ZHX2: variants seen among roughly 807,000 people sequenced by gnomAD.
ZHX2 encodes zinc fingers and homeoboxes 2, also known as zinc fingers and homeoboxes protein 2.
A neutral mutation model predicts 21.9 loss-of-function variants in ZHX2; 6 were observed. The observed-to-expected ratio is 0.27, with a 90% CI of 0.15 to 0.54. ZHX2 has a LOEUF of 0.54. Ranked by LOEUF, ZHX2 falls within the 20% of genes least tolerant of loss-of-function variation. The pLI is 0.95. For missense variants in ZHX2, 908 were observed against 1,090.7 expected (o/e 0.83, Z 2.36); for synonymous variants, 434 against 437.1 (o/e 0.99, Z 0.09).
intron 1 of ZHX2, among the ~76,000 whole-genome samples, chr8:122,786,942 G>GA (rs1232528269): frequency 1.3e-5 from 2 of 152,020 alleles, no homozygotes; most frequent in African/African-American, 2.4e-5. Context: ...ATTTTGAACT[G>GA]AAAAAACTCG....
intron 2 of ZHX2, among the ~76,000 whole-genome samples, chr8:122,913,158 C>T (rs921694525): frequency 2.0e-5 from 3 of 152,140 alleles, no homozygotes; most frequent in East Asian, 1.9e-4. Flanking sequence ...TTTCACTTAG[C>T]GTAGTGGTTT....
intron 2 of ZHX2, among the ~76,000 whole-genome samples, chr8:122,914,697 CTCAT>C (rs1452274338): frequency 6.6e-6 from 1 of 152,226 alleles, no homozygotes. Context: ...ATCTCATGCG[CTCAT>C]TCAGACACTT....
At chr8:122,811,124 A>T (rs73331763) in intron 1 of ZHX2, among the ~76,000 whole-genome samples, 7,163 of 152,224 alleles carry the variant, frequency 0.047, 491 homozygotes, top group African/African-American at 0.16. Flanking sequence ...TTATACCTGT[A>T]ATCCCGGCAC....
chr8:122,944,806 A>G (rs73335719), intron 2 of ZHX2, among the ~76,000 whole-genome samples: 1,958 of 152,280 alleles, frequency 0.013, 42 homozygotes, highest in African/African-American at 0.045. Flanking sequence ...GCTCCCCTAA[A>G]ATCCATATGT....
chr8:122,918,308 C>G (rs1031866885), intron 2 of ZHX2, among the ~76,000 whole-genome samples: 18 of 152,312 alleles, frequency 1.2e-4, no homozygotes, highest in Admixed American at 9.8e-4. Context: ...TGCAATAGGC[C>G]TTGAGGACGA....
intron 2 of ZHX2, among the ~76,000 whole-genome samples, chr8:122,894,518 C>A (rs1187327290): frequency 1.3e-5 from 2 of 152,098 alleles, no homozygotes. Context: ...AAGCTGGAAA[C>A]CATCATTCTC....
chr8:122,827,210 T>C (rs975252715), intron 1 of ZHX2, among the ~76,000 whole-genome samples: 4 of 151,988 alleles, frequency 2.6e-5, no homozygotes, highest in Non-Finnish European at 5.9e-5. Context: ...TTTGTTTGTT[T>C]TCTCCCCTGT....
In ZHX2 at chr8:122,952,756, C is replaced by A; in HGVS notation, c.1246C>A (p.Pro416Thr). Residue 416 changes from proline to threonine, a missense_variant, in exon 3 of 4, where the codon CCC (proline) becomes ACC (threonine). Pro to Thr is a conservative substitution (Grantham distance 38). Coordinates refer to ENST00000314393, the MANE Select transcript of ZHX2 (RefSeq NM_014943.5). This position sits in a 1 kb window ranked among gnomAD's most constrained non-coding sequence, Gnocchi z 6.9. ...KRPLVTPQAA[P>T]EPKRPHIAQV... ...ACCCTTGGTGACTCCCCAAGCTGCC[C>A]CCGAACCCAAGCGTCCACACATCGC... is the stretch of plus-strand genomic sequence containing the variant. 1 of 1,614,136 alleles carries A rather than the reference C, an allele frequency of 6.2e-7. No homozygotes were observed. The highest frequency in any genetic ancestry group is 1.1e-5 in the South Asian group (1 of 91,078).
chr8:122,851,070 C>T (rs1818884639), intron 1 of ZHX2, among the ~76,000 whole-genome samples: 2 of 152,146 alleles, frequency 1.3e-5, no homozygotes, highest in South Asian at 2.1e-4. Context: ...TCACATGTTT[C>T]GCATGGAACT....
At chr8:122,880,771 C>T (rs1457107360) in intron 2 of ZHX2, among the ~76,000 whole-genome samples, 2 of 104,020 alleles carry the variant, frequency 1.9e-5, no homozygotes, top group African/African-American at 4.7e-5. Flanking sequence ...TGAGACTCCA[C>T]CTCAAAAAAA....
intron 1 of ZHX2, among the ~76,000 whole-genome samples, chr8:122,784,894 G>A (rs898245179): frequency 1.3e-5 from 2 of 152,216 alleles, no homozygotes; most frequent in African/African-American, 4.8e-5. Flanking sequence ...GCAATGCAGA[G>A]CGCATAACCA....
intron 1 of ZHX2, among the ~76,000 whole-genome samples, chr8:122,851,079 C>G (rs16897550): frequency 0.29 from 43,885 of 152,022 alleles, 6,636 homozygotes; most frequent in East Asian, 0.37. Flanking sequence ...TCGCATGGAA[C>G]TCCAAGGGTG....
In ZHX2 at chr8:122,951,873, G is replaced by A; in HGVS notation, c.363G>A (p.Lys121=). The change falls in exon 3 of 4, where the codon AAG becomes AAA. Residue 121 remains lysine (K), a synonymous_variant. Transcript: ENST00000314393. ...VCAECNFTTK[K]YDSLSDHNSK... is the part of the protein sequence containing the mutation. ...CAGAATGTAACTTCACAACCAAAAA[G>A]TACGACTCCCTATCCGACCACAACT... 6.2e-7 allele frequency: 1 copy of A among 1,614,072 alleles called. No individual in the cohort carries two copies. Among genetic ancestry groups the A allele is most frequent in the African/African-American group, 1.3e-5 (1 of 75,010 alleles).
At chr8:122,796,723 G>C (rs540616791) in intron 1 of ZHX2, among the ~76,000 whole-genome samples, 1 of 152,304 alleles carries the variant, frequency 6.6e-6, no homozygotes, top group African/African-American at 2.4e-5. Context: ...TAGTTTAAAA[G>C]TATTTCTTTC....
At chr8:122,887,049 C>CTGTGTG (rs1313705680) in intron 2 of ZHX2, among the ~76,000 whole-genome samples, 1 of 110,432 alleles carries the variant, frequency 9.1e-6, no homozygotes, top group Non-Finnish European at 1.8e-5. Flanking sequence ...TGCTCTGCCA[C>CTGTGTG]CGTGTGTGTG....
At chr8:122,895,249 G>A (rs533817055) in intron 2 of ZHX2, among the ~76,000 whole-genome samples, 3 of 152,310 alleles carry the variant, frequency 2.0e-5, no homozygotes, top group East Asian at 3.9e-4. Context: ...TAGGGGAGGT[G>A]TGAGCATTGG....
Position 122,782,274 on chromosome 8 carries a change from T to A in ZHX2, c.-283+328T>A, listed in dbSNP as rs1817304260. 6.6e-6 allele frequency among the ~76,000 whole-genome samples: 1 copy of A among 151,938 alleles called. No individual in the cohort carries two copies. The highest frequency in any genetic ancestry group is 1.5e-5 in the Non-Finnish European group (1 of 67,978). On this transcript the variant is annotated intron_variant, in intron 1 of 3. Coordinates refer to ENST00000314393, the MANE Select transcript of ZHX2 (RefSeq NM_014943.5). The surrounding 1 kb of genome is among the most constrained non-coding windows in gnomAD (Gnocchi z 5.3). ...GAGGAGGAGGAGGAGGAAAAACATG[T>A]CTACGTTTCCCTATGTCGACATAAG...
chr8:122,929,436 A>T (rs1319136152), intron 2 of ZHX2, among the ~76,000 whole-genome samples: 2 of 152,214 alleles, frequency 1.3e-5, no homozygotes, highest in Non-Finnish European at 2.9e-5. Flanking sequence ...TGAGGTCAGG[A>T]GTTCGAGACC....
intron 1 of ZHX2, among the ~76,000 whole-genome samples, chr8:122,830,433 T>A (rs1218866913): frequency 1.3e-5 from 2 of 152,104 alleles, no homozygotes; most frequent in Admixed American, 6.5e-5. Context: ...CCGGGGAGAA[T>A]CTTACATTCC....
Sources: allele counts gnomAD v4.1 joint callset (sites outside exome capture counted in the v4.1 genomes callset), GRCh38; gene constraint gnomAD v4.1.1; non-coding constraint Gnocchi (gnomAD v3.1); transcripts MANE v1.5; gene names NCBI Gene and HGNC (gene_info 2026-07-23, HGNC 2026-07-21).